The following CNTNAP2 variants were observed in gnomAD, a reference collection of about 807,000 sequenced individuals.
CNTNAP2 encodes the protein contactin associated protein 2.
In CNTNAP2, 98 loss-of-function variants were observed where a neutral mutation model predicts 155.2. The observed-to-expected ratio is 0.63, with a 90% CI of 0.54 to 0.75. The LOEUF (loss-of-function observed/expected upper bound fraction) is 0.75, where lower values mean the gene tolerates loss of function less well. Among genes scored for constraint, CNTNAP2 ranks in the 30% least tolerant of loss-of-function variants. The pLI is 0.00. For synonymous variants in CNTNAP2, 651 were observed against 631.2 expected, an observed-to-expected ratio of 1.03 and a Z score of -0.47; for missense variants, 1,727 against 1,688.1, an observed-to-expected ratio of 1.02 and a Z score of -0.40.
At chr7:148,054,582 C>T (rs1802972603) in intron 15 of CNTNAP2, among the ~76,000 whole-genome samples, 1 of 151,014 alleles carries the variant, frequency 6.6e-6, no homozygotes. Context: ...AGCAAACACT[C>T]AGAACTCTAT....
At chr7:148,222,640 A>G (rs1795772981) in intron 19 of CNTNAP2, among the ~76,000 whole-genome samples, 1 of 152,164 alleles carries the variant, frequency 6.6e-6, no homozygotes, top group Admixed American at 6.5e-5. Flanking sequence ...TCACCTCTCA[A>G]TATACCCATA....
At chr7:147,875,063 C>G (rs1396812835) in intron 13 of CNTNAP2, among the ~76,000 whole-genome samples, 1 of 152,184 alleles carries the variant, frequency 6.6e-6, no homozygotes, top group East Asian at 1.9e-4. Flanking sequence ...TTTCCTACAT[C>G]GTCCTGTCTT....
chr7:146,294,681 T>G (rs1301805540), intron 1 of CNTNAP2, among the ~76,000 whole-genome samples: 2 of 152,202 alleles, frequency 1.3e-5, no homozygotes, highest in Non-Finnish European at 2.9e-5. Context: ...ACTTTTATTT[T>G]TAGAGTACCA....
chr7:146,463,183 A>G (rs368027525), intron 1 of CNTNAP2, among the ~76,000 whole-genome samples: 1 of 152,150 alleles, frequency 6.6e-6, no homozygotes, highest in African/African-American at 2.4e-5. Context: ...TGAATACAAG[A>G]AGAGAACTGT....
chr7:148,011,978 T>G (rs1020636533), intron 15 of CNTNAP2, among the ~76,000 whole-genome samples: 2 of 152,260 alleles, frequency 1.3e-5, no homozygotes, highest in African/African-American at 4.8e-5. Context: ...GTCCCTGGAA[T>G]GCTGTGCAAT....
At chr7:146,620,191 G>T (rs1799294126) in intron 1 of CNTNAP2, among the ~76,000 whole-genome samples, 2 of 152,072 alleles carry the variant, frequency 1.3e-5, no homozygotes, top group Non-Finnish European at 2.9e-5. Context: ...CTCCATAAAA[G>T]AACTTAAGCA....
At chr7:148,014,334 G>A (rs768935961) in intron 15 of CNTNAP2, 12 of 149,534 alleles carry the variant, frequency 8.0e-5, no homozygotes, top group Non-Finnish European at 1.8e-4. Flanking sequence ...GCTTTTTACC[G>A]CTTTGAAATG....
intron 15 of CNTNAP2, among the ~76,000 whole-genome samples, chr7:148,001,843 T>G (rs1180350034): frequency 1.3e-5 from 2 of 152,236 alleles, no homozygotes; most frequent in African/African-American, 4.8e-5. Flanking sequence ...GGTTGGTACT[T>G]TTTAATGGTT....
intron 21 of CNTNAP2, among the ~76,000 whole-genome samples, chr7:148,288,289 CG>C (rs1797125432): frequency 6.8e-6 from 1 of 146,112 alleles, no homozygotes; most frequent in Non-Finnish European, 1.5e-5. Flanking sequence ...TTAGTAGAGG[CG>C]GGGTTTCACT....
intron 3 of CNTNAP2, among the ~76,000 whole-genome samples, chr7:146,908,776 G>A (rs896739216): frequency 2.9e-5 from 4 of 139,364 alleles, no homozygotes; most frequent in African/African-American, 1.1e-4. Flanking sequence ...TCAAAAGCTA[G>A]CAGAAGGCAA....
intron 1 of CNTNAP2, among the ~76,000 whole-genome samples, chr7:146,366,583 A>G (rs1795159393): frequency 1.3e-5 from 2 of 152,114 alleles, no homozygotes. Context: ...CAAGAAGACC[A>G]AAGGGATTTA....
At chr7:146,279,429 A>AACACTC (rs1800214329) in intron 1 of CNTNAP2, among the ~76,000 whole-genome samples, 2 of 144,706 alleles carry the variant, frequency 1.4e-5, no homozygotes, top group Middle Eastern at 7.2e-3. Context: ...CATTTCCTTA[A>AACACTC]ACACACACAC....
intron 1 of CNTNAP2, among the ~76,000 whole-genome samples, chr7:146,769,914 T>A (rs573575722): frequency 5.3e-5 from 8 of 152,228 alleles, no homozygotes; most frequent in African/African-American, 1.9e-4. Flanking sequence ...AGGCCATAGT[T>A]TTCTAACTCT....
chr7:147,172,375 G>A (rs923240889), intron 8 of CNTNAP2, among the ~76,000 whole-genome samples: 1 of 152,036 alleles, frequency 6.6e-6, no homozygotes, highest in Non-Finnish European at 1.5e-5. Flanking sequence ...TTGACTGAAT[G>A]ATAATTATGG....
chr7:146,698,519 ACCC>A (rs984655477), intron 1 of CNTNAP2, among the ~76,000 whole-genome samples: 1 of 151,616 alleles, frequency 6.6e-6, no homozygotes, highest in African/African-American at 2.4e-5. Context: ...GGCTTCCTCC[ACCC>A]CTTCTTGGCT....
chr7:147,310,469 A>T (rs1258952837), intron 9 of CNTNAP2, among the ~76,000 whole-genome samples: 1 of 152,208 alleles, frequency 6.6e-6, no homozygotes, highest in Non-Finnish European at 1.5e-5. Context: ...AAAGATAAGT[A>T]AATTAAATAT....
chr7:148,003,247 C>A (rs958103900), intron 15 of CNTNAP2, among the ~76,000 whole-genome samples: 2 of 152,070 alleles, frequency 1.3e-5, no homozygotes, highest in African/African-American at 4.8e-5. Context: ...ATCCCAGTCA[C>A]CTGAAGGGAT....
intron 1 of CNTNAP2, among the ~76,000 whole-genome samples, chr7:146,527,213 T>C (rs2129138401): frequency 6.6e-6 from 1 of 152,198 alleles, no homozygotes; most frequent in African/African-American, 2.4e-5. Flanking sequence ...AATCACATAA[T>C]AAATAATATT....
chr7:146,275,886 C>T (rs966641389), intron 1 of CNTNAP2, among the ~76,000 whole-genome samples: 5 of 152,154 alleles, frequency 3.3e-5, no homozygotes, highest in African/African-American at 1.2e-4. Flanking sequence ...ATTTTGCTTC[C>T]TAGCAAAATT....
Sources: allele counts gnomAD v4.1 joint callset (sites outside exome capture counted in the v4.1 genomes callset), GRCh38; gene constraint gnomAD v4.1.1; transcripts MANE v1.5; gene names NCBI Gene and HGNC (gene_info 2026-07-23, HGNC 2026-07-21).